TAFA1: variants seen among roughly 807,000 people sequenced by gnomAD.
TAFA1 encodes chemokine-like protein TAFA-1.
In TAFA1, 4 loss-of-function variants were observed where a neutral mutation model predicts 18.5. The observed-to-expected ratio is 0.22, with a 90% confidence interval of 0.11 to 0.49. The LOEUF (loss-of-function observed/expected upper bound fraction) is 0.49. Among genes scored for constraint, TAFA1 ranks in the 20% least tolerant of loss-of-function variants. The pLI, the probability that TAFA1 is intolerant of heterozygous loss-of-function variation, is 0.98. For missense variants in TAFA1, 147 were observed against 169.0 expected, an observed-to-expected ratio of 0.87 and a Z score of 0.72; for synonymous variants, 56 against 55.2, an observed-to-expected ratio of 1.01 and a Z score of -0.06.
chr3:68,137,890 G>C (rs541843793), intron 2 of TAFA1, among the ~76,000 whole-genome samples: 1 of 151,984 alleles, frequency 6.6e-6, no homozygotes, highest in Non-Finnish European at 1.5e-5. Flanking sequence ...TCCATGCCTT[G>C]CTACTCCACA....
chr3:68,165,886 T>C (rs1403602971), intron 2 of TAFA1, among the ~76,000 whole-genome samples: 1 of 152,232 alleles, frequency 6.6e-6, no homozygotes, highest in Non-Finnish European at 1.5e-5. Flanking sequence ...TGCACTCAAA[T>C]ATTTAGGAAT....
chr3:68,507,837 T>C (rs902527211), intron 3 of TAFA1, among the ~76,000 whole-genome samples: 1 of 152,124 alleles, frequency 6.6e-6, no homozygotes, highest in Admixed American at 6.6e-5. Context: ...GTATATAACC[T>C]AAGTAATGAG....
intron 2 of TAFA1, among the ~76,000 whole-genome samples, chr3:68,355,407 G>C (rs1008819219): frequency 1.3e-4 from 19 of 151,982 alleles, no homozygotes; most frequent in African/African-American, 4.3e-4. Flanking sequence ...CTTTACCTCA[G>C]TTCCCTTTTC....
chr3:68,496,801 T>C (rs2072557699), intron 3 of TAFA1, among the ~76,000 whole-genome samples: 1 of 152,144 alleles, frequency 6.6e-6, no homozygotes, highest in Non-Finnish European at 1.5e-5. Context: ...TTCTCTATGG[T>C]GGGGGTGATA....
intron 2 of TAFA1, among the ~76,000 whole-genome samples, chr3:68,015,353 C>T (rs570141586): frequency 2.7e-5 from 4 of 149,656 alleles, no homozygotes; most frequent in Admixed American, 1.3e-4. Flanking sequence ...ATGGCATGCT[C>T]TCGGCTCACT....
chr3:68,436,185 G>T (rs566821656), intron 3 of TAFA1, among the ~76,000 whole-genome samples: 3 of 152,076 alleles, frequency 2.0e-5, no homozygotes, highest in African/African-American at 7.2e-5. Flanking sequence ...GGCATTAAAG[G>T]TGACTTATAT....
chr3:68,273,749 T>C (rs1216476682), intron 2 of TAFA1, among the ~76,000 whole-genome samples: 3 of 152,238 alleles, frequency 2.0e-5, no homozygotes, highest in Middle Eastern at 3.4e-3. Context: ...GAGACAACGG[T>C]GAGCTAAACT....
At chr3:68,411,705 GC>G (rs1342652822) in intron 2 of TAFA1, among the ~76,000 whole-genome samples, 2 of 152,114 alleles carry the variant, frequency 1.3e-5, no homozygotes. Flanking sequence ...AGGTAACTGA[GC>G]CCCCTTGGAT....
Position 68,006,673 on chromosome 3 carries a change from G to A in TAFA1, c.47G>A (p.Ser16Asn). The A allele has an allele frequency of 6.2e-7, 1 of 1,614,050 alleles. No individual in the cohort carries two copies. The highest frequency in any genetic ancestry group is 8.5e-7 in the Non-Finnish European group (1 of 1,179,886). ...TCCTGGGTCCTGTATTTGTGGATAAGTGCTTGTGCAATGCTACTCTGCCAT... is the reference window on the plus strand; with the variant it reads ...TCCTGGGTCCTGTATTTGTGGATAAATGCTTGTGCAATGCTACTCTGCCAT... ...AMSWVLYLWI[S>N]ACAMLLCHGS... Residue 16 changes from serine to asparagine, a missense_variant, in exon 2 of 5, where the codon AGT becomes AAT. Coordinates refer to ENST00000478136, the MANE Select transcript of TAFA1 (RefSeq NM_213609.4).
chr3:68,533,674 G>A (rs1295925941), intron 3 of TAFA1, among the ~76,000 whole-genome samples: 3 of 152,170 alleles, frequency 2.0e-5, no homozygotes, highest in Non-Finnish European at 4.4e-5. Context: ...GAGGTGGGGA[G>A]AGGATCGATT....
intron 3 of TAFA1, among the ~76,000 whole-genome samples, chr3:68,431,538 T>G (rs115662832): frequency 6.6e-6 from 1 of 152,150 alleles, no homozygotes; most frequent in Non-Finnish European, 1.5e-5. Flanking sequence ...GATAAGGGGC[T>G]TGCCCAGGGT....
intron 2 of TAFA1, among the ~76,000 whole-genome samples, chr3:68,083,747 T>A (rs978634690): frequency 6.6e-6 from 1 of 152,188 alleles, no homozygotes; most frequent in Non-Finnish European, 1.5e-5. Context: ...TCTGGCATCT[T>A]TTCTTGTTTC....
chr3:68,508,003 C>G (rs2072788281), intron 3 of TAFA1, among the ~76,000 whole-genome samples: 1 of 152,112 alleles, frequency 6.6e-6, no homozygotes, highest in Non-Finnish European at 1.5e-5. Context: ...GACTGGGCAG[C>G]TTACACACAG....
chr3:68,199,065 C>T (rs1412667466), intron 2 of TAFA1, among the ~76,000 whole-genome samples: 1 of 151,362 alleles, frequency 6.6e-6, no homozygotes, highest in South Asian at 2.1e-4. Context: ...AAAGTCTGTG[C>T]CTTGATTGAT....
chr3:68,185,565 G>A (rs764971675), intron 2 of TAFA1, among the ~76,000 whole-genome samples: 21 of 151,758 alleles, frequency 1.4e-4, no homozygotes, highest in African/African-American at 4.1e-4. Context: ...ACTTTGTATC[G>A]CTATGTAAAT....
intron 3 of TAFA1, among the ~76,000 whole-genome samples, chr3:68,441,095 C>A (rs1428332444): frequency 6.6e-6 from 1 of 152,158 alleles, no homozygotes; most frequent in Admixed American, 6.5e-5. Context: ...ACCCCTACAA[C>A]CAAGAAAGAA....
chr3:68,160,523 A>G (rs1040556390), intron 2 of TAFA1, among the ~76,000 whole-genome samples: 1 of 152,210 alleles, frequency 6.6e-6, no homozygotes, highest in African/African-American at 2.4e-5. Flanking sequence ...GTGACTCTAC[A>G]GAAGATATTT....
intron 2 of TAFA1, among the ~76,000 whole-genome samples, chr3:68,109,880 C>A (rs150317585): frequency 6.5e-4 from 99 of 152,248 alleles, no homozygotes; most frequent in African/African-American, 2.2e-3. Flanking sequence ...ACTTCAAGTT[C>A]AACTGGAAGC....
At chr3:68,213,779 A>G (rs2066622220) in intron 2 of TAFA1, among the ~76,000 whole-genome samples, 1 of 152,058 alleles carries the variant, frequency 6.6e-6, no homozygotes, top group South Asian at 2.1e-4. Flanking sequence ...TGTGATCAGA[A>G]AGTGTACCCA....
Sources: gnomAD v4.1 joint callset for allele counts (sites outside exome capture counted in the v4.1 genomes callset) on GRCh38, gnomAD v4.1.1 for gene constraint, MANE v1.5 for transcripts, NCBI Gene and HGNC (gene_info 2026-07-23, HGNC 2026-07-21) for gene names.